KLF8: variants seen among roughly 807,000 people sequenced by gnomAD.
KLF8 encodes the protein KLF transcription factor 8.
Under a neutral mutation model 18.2 loss-of-function variants are expected in KLF8, and 10 were observed. The observed-to-expected ratio is 0.55, with a 90% confidence interval of 0.34 to 0.93. KLF8 has a LOEUF of 0.93. Among genes scored for constraint, KLF8 ranks in the 40% least tolerant of loss-of-function variants. The pLI is 0.02. For missense variants in KLF8, 264 were observed against 277.9 expected (o/e 0.95, Z 0.36); for synonymous variants, 109 against 97.3 (o/e 1.12, Z -0.71).
the KLF8 span, among the ~76,000 whole-genome samples, chrX:56,085,079 A>G: frequency 1.8e-5 from 2 of 112,030 alleles, no homozygotes; most frequent in East Asian, 2.8e-4. Context: ...TGTCCAAAGA[A>G]TGCTGGTCAG....
the KLF8 span, among the ~76,000 whole-genome samples, chrX:56,121,519 C>A: frequency 4.4e-5 from 5 of 112,377 alleles, no homozygotes; most frequent in South Asian, 3.7e-4. Context: ...GCCCTGAAAG[C>A]TCAGTTCTTC....
chrX:56,119,269 G>A, the KLF8 span, among the ~76,000 whole-genome samples: 1 of 110,961 alleles, frequency 9.0e-6, no homozygotes, highest in Non-Finnish European at 1.9e-5. Flanking sequence ...GAGGGTCATG[G>A]TGGGAGAATG....
chrX:55,947,503 G>C, the KLF8 span, among the ~76,000 whole-genome samples: 1 of 87,088 alleles, frequency 1.1e-5, no homozygotes, highest in Non-Finnish European at 2.2e-5. Flanking sequence ...GGAGGGAGGG[G>C]GGAGGGATAG....
chrX:56,144,765 AAAAAAG>A, the KLF8 span, among the ~76,000 whole-genome samples: 2 of 84,648 alleles, frequency 2.4e-5, no homozygotes, highest in African/African-American at 8.9e-5. Context: ...ACAAAAAAAA[AAAAAAG>A]AAAAGAAAAG....
chrX:55,965,839 G>A, the KLF8 span, among the ~76,000 whole-genome samples: 2 of 111,978 alleles, frequency 1.8e-5, no homozygotes, highest in Admixed American at 9.4e-5. Flanking sequence ...GAGGTGAAAC[G>A]TCTTTACAAT....
At chrX:55,983,309 A>G in the KLF8 span, among the ~76,000 whole-genome samples, 2 of 111,412 alleles carry the variant, frequency 1.8e-5, no homozygotes, top group East Asian at 5.6e-4. Context: ...AGTTTTCTGT[A>G]CTGAATTATA....
rs1343672184 is a variant in KLF8 at position 56,232,537 on chromosome X, C to T, written c.-798C>T. 1.8e-5 allele frequency: 2 copies of T among 111,383 alleles called. No individual in the cohort carries two copies. Among genetic ancestry groups the T allele is most frequent in the African/African-American group, 6.5e-5 (2 of 30,624 alleles). The allele number at this position is 111,383 out of a possible 1,213,427, so 9.2% of individuals were successfully genotyped here. ...TCTGACTCGCGTGGGGCGCGAGGTACCCCGTGGGGCAGCTAGGTGCCTCCA... is the reference window on the plus strand; with the variant it reads ...TCTGACTCGCGTGGGGCGCGAGGTATCCCGTGGGGCAGCTAGGTGCCTCCA... On this transcript the variant is annotated 5_prime_UTR_variant, in exon 1 of 6. Transcript: ENST00000468660.
the KLF8 span, among the ~76,000 whole-genome samples, chrX:56,052,977 T>G: frequency 9.0e-6 from 1 of 111,500 alleles, no homozygotes; most frequent in Non-Finnish European, 1.9e-5. Context: ...TGGTGGGCCG[T>G]TTTTTAAGCC....
the KLF8 span, among the ~76,000 whole-genome samples, chrX:56,076,308 A>T: frequency 1.6e-5 from 1 of 62,415 alleles, no homozygotes; most frequent in African/African-American, 6.5e-5. Context: ...ACCCCACAAC[A>T]GTCCCCAGAG....
At chrX:56,245,065 T>C (rs1367539040) in intron 1 of KLF8, among the ~76,000 whole-genome samples, 2 of 112,444 alleles carry the variant, frequency 1.8e-5, no homozygotes, top group Non-Finnish European at 3.8e-5. Flanking sequence ...CCTCCAAATT[T>C]ATTATGTGTG....
At chrX:56,183,825 C>A in the KLF8 span, among the ~76,000 whole-genome samples, 1 of 111,425 alleles carries the variant, frequency 9.0e-6, no homozygotes, top group African/African-American at 3.3e-5. Context: ...TGTAAGTGAA[C>A]GAAACTCTCT....
At chrX:56,268,955 C>G (rs1389310726) in intron 3 of KLF8, 1 of 941,473 alleles carries the variant, frequency 1.1e-6, no homozygotes, top group Non-Finnish European at 1.3e-6. Context: ...CTGGACTAAT[C>G]CTAGAATTTG....
At chrX:56,011,965 C>T in the KLF8 span, among the ~76,000 whole-genome samples, 1 of 110,885 alleles carries the variant, frequency 9.0e-6, no homozygotes, top group Non-Finnish European at 1.9e-5. Context: ...CCGTAATAAT[C>T]TATCAACCAA....
chrX:55,943,206 C>T, the KLF8 span, among the ~76,000 whole-genome samples: 1 of 110,708 alleles, frequency 9.0e-6, no homozygotes, highest in African/African-American at 3.3e-5. Flanking sequence ...CTAAAATTAA[C>T]AGTTTAGTGC....
At chrX:55,914,093 T>C in the KLF8 span, among the ~76,000 whole-genome samples, 1 of 111,947 alleles carries the variant, frequency 8.9e-6, no homozygotes, top group African/African-American at 3.2e-5. Context: ...ATGATACATA[T>C]GTAATGGACA....
chrX:56,169,976 AG>A, the KLF8 span, among the ~76,000 whole-genome samples: 1 of 111,607 alleles, frequency 9.0e-6, no homozygotes, highest in African/African-American at 3.3e-5. Flanking sequence ...CCTCAGTTGC[AG>A]GTGGATCAGA....
intron 1 of KLF8, among the ~76,000 whole-genome samples, chrX:56,234,315 G>A (rs2066445142): frequency 9.0e-6 from 1 of 111,617 alleles, no homozygotes; most frequent in Non-Finnish European, 1.9e-5. Flanking sequence ...CCACTTATTA[G>A]CTGCATCACC....
At chrX:56,183,648 A>C in the KLF8 span, among the ~76,000 whole-genome samples, 1 of 111,598 alleles carries the variant, frequency 9.0e-6, no homozygotes, top group Non-Finnish European at 1.9e-5. Context: ...AAGTAAAAAA[A>C]ATTTGCAAAA....
At chrX:56,107,773 T>A in the KLF8 span, among the ~76,000 whole-genome samples, 1 of 110,929 alleles carries the variant, frequency 9.0e-6, no homozygotes, top group African/African-American at 3.3e-5. Flanking sequence ...GTACCTCAGT[T>A]GGAAATGCAG....
Sources: gnomAD v4.1 joint callset for allele counts (sites outside exome capture counted in the v4.1 genomes callset) on GRCh38, gnomAD v4.1.1 for gene constraint, MANE v1.5 for transcripts, NCBI Gene and HGNC (gene_info 2026-07-23, HGNC 2026-07-21) for gene names.